Variants in ANXA2 observed in about 807,000 individuals in gnomAD.
ANXA2 encodes the protein annexin II.
In ANXA2, 28 loss-of-function variants were observed where a neutral mutation model predicts 47.3. That is an observed-to-expected ratio of 0.59 (90% CI 0.44 to 0.81). ANXA2 has a LOEUF of 0.81. Among genes scored for constraint, ANXA2 ranks in the 40% least tolerant of loss-of-function variants. The pLI, the probability that ANXA2 is intolerant of heterozygous loss-of-function variation, is 0.00. For missense variants in ANXA2, 384 were observed against 414.3 expected (o/e 0.93, Z 0.64); for synonymous variants, 172 against 155.5 (o/e 1.11, Z -0.79).
chr15:60,361,188 C>T, intron 4 of ANXA2, 134 bp from the exon 5 acceptor site: 1 of 667,384 alleles, frequency 1.5e-6, no homozygotes, highest in Admixed American at 2.2e-5. Context: ...GGGTCAAACG[C>T]CCTCAACTGC....
At position 60,352,854 on chromosome 15, in the gene ANXA2, T is replaced by C. The variant is rs1195464955; in HGVS notation, c.589-378A>G. ...GGCAGATAAGCTAGCAGATGTTTAC[T>C]GGACAGCTACAGACCAGGCTCTCAT... is the stretch of plus-strand genomic sequence containing the variant. On this transcript the variant is annotated intron_variant, in intron 8 of 12. Coordinates refer to ENST00000451270, the MANE Select transcript of ANXA2 (RefSeq NM_004039.3). The surrounding 1 kb of genome is among the most constrained non-coding windows in gnomAD (Gnocchi z 4.2). 6.6e-6 allele frequency among the ~76,000 whole-genome samples: 1 copy of C among 152,198 alleles called. No homozygotes were observed.
chr15:60,351,895 T>C, intron 9 of ANXA2, 76 bp from the exon 10 acceptor site: 2 of 1,013,112 alleles, frequency 2.0e-6, no homozygotes, highest in Admixed American at 1.9e-5. Context: ...CCTAGTTTTA[T>C]GCACCATAAT....
chr15:60,392,984 G>C (rs546628246), intron 1 of ANXA2: 1 of 1,215,674 alleles, frequency 8.2e-7, no homozygotes, highest in East Asian at 5.9e-5. Flanking sequence ...GAGGAGAGGG[G>C]TTCCCACTGT....
At chr15:60,384,612 A>G (rs535021034) in intron 2 of ANXA2, 2 of 152,376 alleles carry the variant, frequency 1.3e-5, no homozygotes, top group South Asian at 4.1e-4. Flanking sequence ...CAAATTATTT[A>G]GCACCTGAAT....
chr15:60,350,649 G>T (rs1348150745), intron 11 of ANXA2, among the ~76,000 whole-genome samples: 1 of 152,164 alleles, frequency 6.6e-6, no homozygotes, highest in Non-Finnish European at 1.5e-5. Context: ...GGAAGAGGTG[G>T]TTCGTTTAGG....
chr15:60,382,026 G>A (rs1243312327), intron 3 of ANXA2, among the ~76,000 whole-genome samples: 1 of 140,128 alleles, frequency 7.1e-6, no homozygotes, highest in Non-Finnish European at 1.5e-5. Context: ...AAGAATGGAA[G>A]GGAGGGAGGA....
chr15:60,373,670 C>A (rs377293049), intron 3 of ANXA2, among the ~76,000 whole-genome samples: 2 of 152,232 alleles, frequency 1.3e-5, no homozygotes, highest in Non-Finnish European at 2.9e-5. Flanking sequence ...GGACTCAGAC[C>A]TGTGAGATCC....
At chr15:60,356,044 C>G in intron 6 of ANXA2, 46 bp from the exon 7 acceptor site, 1 of 1,433,422 alleles carries the variant, frequency 7.0e-7, no homozygotes, top group South Asian at 1.1e-5. Context: ...CCTGTGTAGC[C>G]AACCATCCAC....
intron 1 of ANXA2, among the ~76,000 whole-genome samples, chr15:60,387,999 C>A (rs945106665): frequency 6.6e-6 from 1 of 151,988 alleles, no homozygotes; most frequent in East Asian, 1.9e-4. Context: ...ACCAGCCTGG[C>A]CAACATGGTG....
intron 3 of ANXA2, among the ~76,000 whole-genome samples, chr15:60,365,847 TCC>T (rs1330990439): frequency 2.2e-5 from 2 of 91,562 alleles, no homozygotes; most frequent in African/African-American, 1.0e-4. Flanking sequence ...CCTCTCCCTC[TCC>T]CCCTCCCCCT....
At chr15:60,377,531 C>T (rs1043820593) in intron 3 of ANXA2, among the ~76,000 whole-genome samples, 3 of 152,156 alleles carry the variant, frequency 2.0e-5, no homozygotes, top group Non-Finnish European at 2.9e-5. Flanking sequence ...GCAAGTCACA[C>T]AATTTGGTTT....
At chr15:60,380,549 C>T (rs559546476) in intron 3 of ANXA2, among the ~76,000 whole-genome samples, 1 of 150,010 alleles carries the variant, frequency 6.7e-6, no homozygotes, top group African/African-American at 2.5e-5. Context: ...CATACCTGTA[C>T]TCCCAGCACT....
intron 3 of ANXA2, among the ~76,000 whole-genome samples, chr15:60,369,025 T>C: frequency 6.6e-6 from 1 of 152,224 alleles, no homozygotes; most frequent in Middle Eastern, 3.2e-3. Context: ...TCAGAGGGAC[T>C]GCAGCCCATC....
At position 60,386,016 on chromosome 15, in the gene ANXA2, T is replaced by C. The variant is rs1243951897; in HGVS notation, c.48+12A>G. On this transcript the variant is annotated intron_variant, in intron 2 of 12. Transcript: ENST00000451270. ...TTGCAAAAATTATATAAAGTGAAAG[T>C]GATATACTTACATCACCCTCCAAGC... The C allele has an allele frequency of 6.2e-7, 1 of 1,600,272 alleles. No individual in the cohort carries two copies. Among genetic ancestry groups the C allele is most frequent in the Non-Finnish European group, 8.5e-7 (1 of 1,170,558 alleles).
chr15:60,382,178 A>C (rs889313528), intron 3 of ANXA2, among the ~76,000 whole-genome samples, 164 bp downstream of exon 3: 1 of 151,736 alleles, frequency 6.6e-6, no homozygotes, highest in African/African-American at 2.4e-5. Context: ...GGAAGGAGGG[A>C]AGGAAGGAAA....
intron 3 of ANXA2, among the ~76,000 whole-genome samples, chr15:60,366,534 C>T (rs968182150): frequency 2.6e-5 from 4 of 151,090 alleles, no homozygotes; most frequent in Admixed American, 1.3e-4. Flanking sequence ...TCTGCCCGGC[C>T]GCTCCGTCTG....
chr15:60,384,018 C>T (rs2062900199), intron 2 of ANXA2: 1 of 152,152 alleles, frequency 6.6e-6, no homozygotes, highest in Non-Finnish European at 1.5e-5. Flanking sequence ...AAATCCAGTT[C>T]ATATTTATAA....
At chr15:60,348,945 G>A (rs1895855558) in intron 12 of ANXA2, 130 bp downstream of exon 12, 2 of 1,004,946 alleles carry the variant, frequency 2.0e-6, no homozygotes, top group Non-Finnish European at 1.5e-6. Flanking sequence ...GATAGTTGAT[G>A]ACTAGCATCT....
intron 3 of ANXA2, among the ~76,000 whole-genome samples, chr15:60,376,785 C>G (rs968839936): frequency 6.6e-6 from 1 of 152,196 alleles, no homozygotes; most frequent in Non-Finnish European, 1.5e-5. Flanking sequence ...CTACCCTCCT[C>G]GCCATCATCC....
Sources: allele counts gnomAD v4.1 joint callset (sites outside exome capture counted in the v4.1 genomes callset), GRCh38; gene constraint gnomAD v4.1.1; non-coding constraint Gnocchi (gnomAD v3.1); transcripts MANE v1.5; gene names NCBI Gene and HGNC (gene_info 2026-07-23, HGNC 2026-07-21).